ZNF107: variants seen among roughly 807,000 people sequenced by gnomAD.
ZNF107 encodes zinc finger protein 107.
ZNF107 carries 19 observed loss-of-function variants against 12.3 expected under a neutral mutation model. The ratio of observed to expected loss-of-function variants is 1.55; its 90% CI spans 1.08 to 2.27. The LOEUF (loss-of-function observed/expected upper bound fraction) is 2.27. Ranked by LOEUF, ZNF107 falls within the 30% of genes most tolerant of loss-of-function variation. The pLI is 0.00. For synonymous variants in ZNF107, 317 were observed against 330.5 expected (o/e 0.96, Z 0.44); for missense variants, 958 against 979.9 (o/e 0.98, Z 0.30).
Position 64,708,123 on chromosome 7 carries a change from C to T in ZNF107, c.2026C>T (p.Pro676Ser). 1 of 1,612,466 alleles carries T rather than the reference C, an allele frequency of 6.2e-7. No individual in the cohort carries two copies. Among genetic ancestry groups the T allele is most frequent in the South Asian group, 1.1e-5 (1 of 90,764 alleles). The change falls in exon 4 of 4, where the codon CCC (proline) becomes TCC (serine). Residue 676 changes from proline (P) to serine (S), a missense_variant. Physicochemically the swap from Pro to Ser is moderately conservative, Grantham distance 74. Transcript: ENST00000620827. ...TAAGATAATTTATACTGGAGAGAAA[C>T]CCCACAAATGTGAAGAATGTGGAAA... is the stretch of plus-strand genomic sequence containing the variant. ...NHKIIYTGEK[P>S]HKCEECGKAY...
intron 1 of ZNF107, among the ~76,000 whole-genome samples, chr7:64,671,733 A>G (rs939126563): frequency 2.7e-5 from 4 of 150,842 alleles, no homozygotes; most frequent in African/African-American, 9.8e-5. Context: ...TATCGCTGAG[A>G]TACTAAGCAT....
At chr7:64,684,798 T>C (rs1293302080) in intron 1 of ZNF107, 1 of 886,634 alleles carries the variant, frequency 1.1e-6, no homozygotes, top group Non-Finnish European at 1.4e-6. Flanking sequence ...TCCTACTCAC[T>C]CTTTATCTAT....
At chr7:64,691,076 G>A (rs1790100737) in intron 1 of ZNF107, among the ~76,000 whole-genome samples, 172 bp from the exon 2 acceptor site, 1 of 152,174 alleles carries the variant, frequency 6.6e-6, no homozygotes, top group South Asian at 2.1e-4. Context: ...GTTTCACCAT[G>A]TTGGCCAGGA....
chr7:64,682,673 G>A (rs1008692363), intron 1 of ZNF107, among the ~76,000 whole-genome samples: 9 of 151,966 alleles, frequency 5.9e-5, no homozygotes, highest in Admixed American at 2.0e-4. Flanking sequence ...ATGCTGCAGC[G>A]GCCACTGCCC....
rs1430601024 is a variant in ZNF107, at chr7:64,711,079, T to G, written c.*2423T>G. On this transcript the variant is annotated 3_prime_UTR_variant, in exon 4 of 4. Coordinates refer to ENST00000620827, the MANE Select transcript of ZNF107 (RefSeq NM_001282359.2). ...TTTAATTAAACTTTTTTTAACATGT[T>G]AAAACTATTGTGCATTCAATGAAGT... The G allele has an allele frequency of 6.6e-6, 1 of 152,152 alleles. No homozygotes were observed. The highest frequency in any genetic ancestry group is 1.5e-5 in the Non-Finnish European group (1 of 67,982). The allele number at this position is 152,152 out of a possible 1,614,324, so 9.4% of individuals were successfully genotyped here.
At chr7:64,688,511 G>A (rs913422769) in intron 1 of ZNF107, among the ~76,000 whole-genome samples, 1 of 151,868 alleles carries the variant, frequency 6.6e-6, no homozygotes, top group Admixed American at 6.6e-5. Flanking sequence ...GCCTGCCTCG[G>A]CCTCCCAAAG....
At chr7:64,676,277 G>T (rs1789412037) in intron 1 of ZNF107, among the ~76,000 whole-genome samples, 1 of 152,348 alleles carries the variant, frequency 6.6e-6, no homozygotes, top group Non-Finnish European at 1.5e-5. Context: ...AATTTGCTGA[G>T]AATTGTTTTA....
At position 64,666,212 on chromosome 7, in the gene ZNF107, CTG is replaced by C. The variant is rs1788994129; in HGVS notation, c.-67_-66del. ...TCCTCTGCTCCTAGAGGCCCAGCCT[CTG>C]TGTCCCTGTGACCTGCAGATATTGG... On this transcript the variant is annotated 5_prime_UTR_variant, in exon 1 of 4. Coordinates refer to ENST00000620827, the MANE Select transcript of ZNF107 (RefSeq NM_001282359.2). 1 of 1,589,656 alleles carries C rather than the reference CTG, an allele frequency of 6.3e-7. No individual in the cohort carries two copies. The highest frequency in any genetic ancestry group is 1.3e-5 in the African/African-American group (1 of 74,254).
At chr7:64,681,362 G>A (rs1456515824) in intron 1 of ZNF107, among the ~76,000 whole-genome samples, 1 of 151,904 alleles carries the variant, frequency 6.6e-6, no homozygotes, top group African/African-American at 2.4e-5. Flanking sequence ...CTCCACTTGT[G>A]TGTCAACTAG....
In ZNF107 at chr7:64,708,497, G is replaced by A. The variant is rs553741719; in HGVS notation, c.2400G>A (p.Gln800=). ...KCEECGKSFN[Q]FSSLNIHKII... is the part of the protein sequence containing the mutation. ...AAGAATGTGGCAAATCCTTTAACCA[G>A]TTCTCATCTCTTAATATACATAAGA... The change falls in exon 4 of 4, where the codon CAG becomes CAA. Residue 800 remains glutamine (Q), a synonymous_variant. Transcript: ENST00000620827. 3.1e-6 allele frequency: 5 copies of A among 1,611,260 alleles called. No homozygotes were observed. In the African/African-American group the frequency reaches 6.7e-5, roughly 22 times the overall value.
chr7:64,689,324 C>T (rs985920697), intron 1 of ZNF107: 6 of 152,102 alleles, frequency 3.9e-5, no homozygotes, highest in Admixed American at 1.3e-4. Context: ...CAACAGGAGA[C>T]ATTTTCTGCA....
At chr7:64,699,865 G>A (rs545343193) in intron 3 of ZNF107, among the ~76,000 whole-genome samples, 30 of 151,646 alleles carry the variant, frequency 2.0e-4, no homozygotes, top group Admixed American at 1.6e-3. Context: ...TCAGGAGATC[G>A]AGATCATCCT....
rs1584495453 is a variant in ZNF107, at chr7:64,708,858, T to G, written c.*202T>G. On this transcript the variant is annotated 3_prime_UTR_variant, in exon 4 of 4. Transcript: ENST00000620827. ...AAACCTTACTGAAAGTTGAGAAAAT[T>G]CGTACTGGAGAGAATCCTACAAATG... 2 of 640,880 alleles carry G rather than the reference T, an allele frequency of 3.1e-6. No homozygotes were observed. The highest frequency in any genetic ancestry group is 5.6e-5 in the East Asian group (2 of 35,960). 39.7% of individuals were successfully genotyped at this position (640,880 alleles called of 1,614,324 possible).
Position 64,706,450 on chromosome 7 carries a change from A to G in ZNF107, c.353A>G (p.Lys118Arg). 5 of 1,613,784 alleles carry G rather than the reference A, an allele frequency of 3.1e-6. No homozygotes were observed. The highest frequency in any genetic ancestry group is 4.2e-6 in the Non-Finnish European group (5 of 1,179,808). Reference sequence around the variant, plus strand: ...AATTTACAGTTAAGAAAAGGCTGTAAACATGTGGATGAGTGTACGGGGCAC... The same window carrying G: ...AATTTACAGTTAAGAAAAGGCTGTAGACATGTGGATGAGTGTACGGGGCAC... ...YENLQLRKGC[K>R]HVDECTGHKG... is the part of the protein sequence containing the mutation. The change falls in exon 4 of 4, where the codon AAA becomes AGA. Residue 118 changes from lysine to arginine, a missense_variant. Lys to Arg is a conservative substitution (Grantham distance 26). Coordinates refer to ENST00000620827, the MANE Select transcript of ZNF107 (RefSeq NM_001282359.2).
In ZNF107 at chr7:64,683,486, A is replaced by G. The variant is rs370362608; in HGVS notation, c.4-7762A>G. Among the ~76,000 whole-genome samples, 29 of 152,242 alleles carry G rather than the reference A, an allele frequency of 1.9e-4. 1 individual carries two copies. The East Asian group carries it at 3.7e-3, about 19-fold the overall frequency. The stretch of plus-strand genomic sequence containing the variant: ...AGACCAGTATATTTCTTTCTCATCT[A>G]TTATCCCTACCTACTACTCTTCTTC... On this transcript the variant is annotated intron_variant, in intron 1 of 3. Coordinates refer to ENST00000620827, the MANE Select transcript of ZNF107 (RefSeq NM_001282359.2).
Position 64,666,196 on chromosome 7 carries a change from C to T in ZNF107, c.-87C>T, listed in dbSNP as rs1273927511. 1.3e-6 allele frequency: 2 copies of T among 1,558,384 alleles called. No homozygotes were observed. Among genetic ancestry groups the T allele is most frequent in the African/African-American group, 2.7e-5 (2 of 73,536 alleles). ...TCCTCACTGCTCAGTGTCCTCTGCT[C>T]CTAGAGGCCCAGCCTCTGTGTCCCT... is the stretch of plus-strand genomic sequence containing the variant. On this transcript the variant is annotated 5_prime_UTR_variant, in exon 1 of 4. Coordinates refer to ENST00000620827, the MANE Select transcript of ZNF107 (RefSeq NM_001282359.2).
intron 1 of ZNF107, chr7:64,684,816 G>C (rs1229459837): frequency 1.2e-6 from 1 of 802,998 alleles, no homozygotes; most frequent in Non-Finnish European, 1.5e-6. Context: ...TATCCCTCCT[G>C]CTCCTTTGGC....
At chr7:64,697,698 T>A (rs1278621366) in intron 3 of ZNF107, among the ~76,000 whole-genome samples, 2 of 151,810 alleles carry the variant, frequency 1.3e-5, no homozygotes, top group African/African-American at 4.8e-5. Flanking sequence ...TAGCATTTTT[T>A]TTTTTTTTTT....
intron 1 of ZNF107, among the ~76,000 whole-genome samples, chr7:64,674,751 T>G (rs1789358049): frequency 6.6e-6 from 1 of 152,212 alleles, no homozygotes; most frequent in Non-Finnish European, 1.5e-5. Flanking sequence ...AGATAACTCA[T>G]TATTTTGAAG....
Sources: allele counts gnomAD v4.1 joint callset (sites outside exome capture counted in the v4.1 genomes callset), GRCh38; gene constraint gnomAD v4.1.1; transcripts MANE v1.5; gene names NCBI Gene and HGNC (gene_info 2026-07-23, HGNC 2026-07-21).